TMEM117: variants seen among roughly 807,000 people sequenced by gnomAD.
TMEM117 encodes transmembrane protein 117.
Under a neutral mutation model 52.4 loss-of-function variants are expected in TMEM117, and 27 were observed. The observed-to-expected ratio is 0.51, with a 90% CI of 0.38 to 0.71. The LOEUF is 0.71. Among genes scored for constraint, TMEM117 ranks in the 30% least tolerant of loss-of-function variants. The pLI is 0.00. For synonymous variants in TMEM117, 215 were observed against 206.3 expected (o/e 1.04, Z -0.36); for missense variants, 556 against 630.5 (o/e 0.88, Z 1.26).
intron 3 of TMEM117, among the ~76,000 whole-genome samples, chr12:44,057,479 T>C (rs981657536): frequency 7.2e-5 from 11 of 152,220 alleles, no homozygotes; most frequent in Admixed American, 4.6e-4. Flanking sequence ...TTTCTGTCTC[T>C]GAAAGGGAGT....
intron 3 of TMEM117, among the ~76,000 whole-genome samples, chr12:43,993,929 A>G (rs1329993118): frequency 6.6e-6 from 1 of 152,134 alleles, no homozygotes; most frequent in African/African-American, 2.4e-5. Flanking sequence ...TCCTGGGCTC[A>G]AGTGTTCCAC....
intron 5 of TMEM117, among the ~76,000 whole-genome samples, chr12:44,269,106 G>A (rs555792015): frequency 1.3e-5 from 2 of 151,816 alleles, no homozygotes; most frequent in Non-Finnish European, 2.9e-5. Flanking sequence ...ACCTGTATCT[G>A]GTATCTAAGG....
chr12:43,941,776 A>G (rs1188608813), intron 2 of TMEM117, among the ~76,000 whole-genome samples: 1 of 152,170 alleles, frequency 6.6e-6, no homozygotes, highest in Non-Finnish European at 1.5e-5. Flanking sequence ...TTTTGTTCTA[A>G]TGACACTAAT....
At chr12:44,168,745 G>T (rs1382808272) in intron 4 of TMEM117, among the ~76,000 whole-genome samples, 1 of 152,082 alleles carries the variant, frequency 6.6e-6, no homozygotes, top group Non-Finnish European at 1.5e-5. Context: ...ACATTTTTAA[G>T]TGTAGAGTCT....
At chr12:44,097,517 A>G (rs1395842422) in intron 3 of TMEM117, among the ~76,000 whole-genome samples, 2 of 152,032 alleles carry the variant, frequency 1.3e-5, no homozygotes, top group African/African-American at 2.4e-5. Context: ...CATATACACC[A>G]TGGAATACTA....
the TMEM117 span, among the ~76,000 whole-genome samples, chr12:43,824,151 G>A: frequency 6.6e-6 from 1 of 152,160 alleles, no homozygotes; most frequent in Non-Finnish European, 1.5e-5. Context: ...CAATTTTCTT[G>A]AATTTCTCTC....
At chr12:43,810,961 C>T in the TMEM117 span, among the ~76,000 whole-genome samples, 3 of 152,024 alleles carry the variant, frequency 2.0e-5, no homozygotes, top group Non-Finnish European at 4.4e-5. Flanking sequence ...TATAATGGAT[C>T]CCAGAAAAAG....
intron 3 of TMEM117, among the ~76,000 whole-genome samples, chr12:43,994,481 G>T (rs1290130368): frequency 6.6e-6 from 1 of 152,022 alleles, no homozygotes; most frequent in Non-Finnish European, 1.5e-5. Context: ...AATAACTTTT[G>T]TGCAATCTTT....
chr12:44,041,043 T>C (rs938528233), intron 3 of TMEM117, among the ~76,000 whole-genome samples: 6 of 152,184 alleles, frequency 3.9e-5, no homozygotes, highest in African/African-American at 1.2e-4. Flanking sequence ...ACTAGCTACT[T>C]GATCTACTGC....
chr12:43,974,423 T>A (rs1945639566), intron 3 of TMEM117, among the ~76,000 whole-genome samples: 1 of 152,152 alleles, frequency 6.6e-6, no homozygotes. Flanking sequence ...AATGAAGGGA[T>A]ATATAGCTGG....
At chr12:44,215,410 G>A (rs1949702466) in intron 5 of TMEM117, among the ~76,000 whole-genome samples, 2 of 152,150 alleles carry the variant, frequency 1.3e-5, no homozygotes, top group African/African-American at 4.8e-5. Flanking sequence ...GGCAATATTT[G>A]AAAGGCGGAA....
At chr12:44,211,488 G>T in intron 5 of TMEM117, 101 bp downstream of exon 5, 2 of 737,028 alleles carry the variant, frequency 2.7e-6, no homozygotes, top group Non-Finnish European at 4.4e-6. Flanking sequence ...CTATCTAGAG[G>T]GACATTTTTG....
At chr12:43,823,636 C>T in the TMEM117 span, among the ~76,000 whole-genome samples, 1 of 152,134 alleles carries the variant, frequency 6.6e-6, no homozygotes, top group East Asian at 1.9e-4. Flanking sequence ...GCCTCAGGCT[C>T]CCAAGTAGCT....
intron 5 of TMEM117, among the ~76,000 whole-genome samples, chr12:44,255,027 A>G (rs1592643795): frequency 6.6e-6 from 1 of 152,154 alleles, no homozygotes; most frequent in African/African-American, 2.4e-5. Context: ...CATGGTGTAT[A>G]TATGCCACAT....
the TMEM117 span, among the ~76,000 whole-genome samples, chr12:44,396,326 G>A: frequency 6.6e-6 from 1 of 151,966 alleles, no homozygotes. Flanking sequence ...AAAATAAAAT[G>A]TACTGCCCCT....
chr12:43,806,356 G>C, the TMEM117 span: 1 of 1,251,878 alleles, frequency 8.0e-7, no homozygotes, highest in Non-Finnish European at 1.0e-6. Flanking sequence ...ATCCGCCCGC[G>C]ACCCGCGGCC....
intron 3 of TMEM117, among the ~76,000 whole-genome samples, chr12:44,103,163 A>G (rs1317085728): frequency 6.6e-6 from 1 of 151,448 alleles, no homozygotes; most frequent in African/African-American, 2.4e-5. Flanking sequence ...TTTTATGATC[A>G]CTTACTTTAC....
chr12:44,370,937 C>T (rs1417051034), intron 6 of TMEM117, among the ~76,000 whole-genome samples: 2 of 152,146 alleles, frequency 1.3e-5, no homozygotes, highest in Non-Finnish European at 2.9e-5. Context: ...TTCCTCTAAG[C>T]TCCCTGGAGC....
At chr12:43,967,062 G>A (rs1288478911) in intron 3 of TMEM117, among the ~76,000 whole-genome samples, 1 of 152,008 alleles carries the variant, frequency 6.6e-6, no homozygotes, top group African/African-American at 2.4e-5. Flanking sequence ...CTTAAGTATA[G>A]GTCGAACCCA....
Sources: allele counts gnomAD v4.1 joint callset (sites outside exome capture counted in the v4.1 genomes callset), GRCh38; gene constraint gnomAD v4.1.1; transcripts MANE v1.5; gene names NCBI Gene and HGNC (gene_info 2026-07-23, HGNC 2026-07-21).